ATL2: variants seen among roughly 807,000 people sequenced by gnomAD.
The protein encoded by ATL2 is atlastin GTPase 2.
In ATL2, 31 loss-of-function variants were observed where a neutral mutation model predicts 73.9. The observed-to-expected ratio is 0.42, with a 90% CI of 0.32 to 0.57. The LOEUF (loss-of-function observed/expected upper bound fraction) is 0.57, where lower values mean the gene tolerates loss of function less well. Ranked by LOEUF, ATL2 falls within the 20% of genes least tolerant of loss-of-function variation. The probability of loss-of-function intolerance (pLI) is 0.14; values close to 1 mark genes in which losing one functional copy is unlikely to be tolerated. For missense variants in ATL2, 738 were observed against 702.6 expected (o/e 1.05, Z -0.57); for synonymous variants, 291 against 237.5 (o/e 1.23, Z -2.07).
At position 38,350,638 on chromosome 2, in the gene ATL2, T is replaced by C. The variant is rs145868020; in HGVS notation, c.119-7126A>G. 7.6e-4 allele frequency among the ~76,000 whole-genome samples: 116 copies of C among 152,336 alleles called. 1 individual carries two copies. The highest frequency in any genetic ancestry group is 2.7e-3 in the African/African-American group (112 of 41,584). On this transcript the variant is annotated intron_variant, in intron 1 of 12. Transcript: ENST00000378954. ...ATAATGATGTGTTAGTGAAGGTTCA[T>C]TGATTTTAACAAAAGCACCACTGTG...
chr2:38,335,639 T>C (rs1427881251), intron 2 of ATL2, among the ~76,000 whole-genome samples: 1 of 152,068 alleles, frequency 6.6e-6, no homozygotes, highest in African/African-American at 2.4e-5. Flanking sequence ...ATGCAGGAAA[T>C]GCTGTCTTGT....
At chr2:38,318,330 T>A (rs1037885811) in intron 4 of ATL2, 21 of 376,804 alleles carry the variant, frequency 5.6e-5, no homozygotes, top group Non-Finnish European at 8.5e-5. Context: ...TACAAAAAAA[T>A]TAGCTGGGCA....
At chr2:38,325,267 CA>C (rs1189939955) in intron 2 of ATL2, among the ~76,000 whole-genome samples, 1 of 152,024 alleles carries the variant, frequency 6.6e-6, no homozygotes, top group Admixed American at 6.6e-5. Context: ...TTTCTTAGAT[CA>C]AAGAATTGAG....
intron 1 of ATL2, among the ~76,000 whole-genome samples, chr2:38,346,826 G>C (rs958192542): frequency 2.6e-5 from 4 of 152,106 alleles, no homozygotes; most frequent in Non-Finnish European, 4.4e-5. Flanking sequence ...GGAACCCCAG[G>C]TTTAAACTAG....
intron 7 of ATL2, among the ~76,000 whole-genome samples, chr2:38,311,072 T>C (rs1558395706): frequency 6.6e-6 from 1 of 151,120 alleles, no homozygotes; most frequent in Non-Finnish European, 1.5e-5. Flanking sequence ...GTAAATAAAT[T>C]AAGAATTTAC....
At chr2:38,310,032 A>G (rs1667662129) in intron 8 of ATL2, among the ~76,000 whole-genome samples, 1 of 152,192 alleles carries the variant, frequency 6.6e-6, no homozygotes, top group Non-Finnish European at 1.5e-5. Context: ...GCAGACTGCA[A>G]TCAATTGAAA....
chr2:38,296,110 A>G lies in ATL2; in HGVS notation c.1636T>C (p.Leu546=), dbSNP rs1666880020. Residue 546 remains leucine, a synonymous_variant, in exon 13 of 13, where the codon TTG becomes CTG. Coordinates refer to ENST00000378954, the MANE Select transcript of ATL2 (RefSeq NM_001135673.4). ...QIAETLWEQV[L]KPLGDNLMEE... ...ATCAAATTATCACCCAGGGGCTTCAATACCTGTGGTATGAGAAATGTGCAA... is the reference window on the plus strand; with the variant it reads ...ATCAAATTATCACCCAGGGGCTTCAGTACCTGTGGTATGAGAAATGTGCAA... The G allele has an allele frequency of 6.5e-7, 1 of 1,549,856 alleles. No individual in the cohort carries two copies. The highest frequency in any genetic ancestry group is 8.7e-7 in the Non-Finnish European group (1 of 1,145,938).
At chr2:38,332,922 G>A (rs1208004420) in intron 2 of ATL2, among the ~76,000 whole-genome samples, 1 of 152,174 alleles carries the variant, frequency 6.6e-6, no homozygotes. Context: ...AGGCTCAATG[G>A]CACATGTCTT....
intron 7 of ATL2, among the ~76,000 whole-genome samples, chr2:38,312,042 G>A (rs1667782418): frequency 1.3e-5 from 2 of 152,164 alleles, no homozygotes; most frequent in Non-Finnish European, 2.9e-5. Flanking sequence ...CATACCCCAA[G>A]TCTTTAATGC....
chr2:38,366,638 A>G (rs1232412523), intron 1 of ATL2, among the ~76,000 whole-genome samples: 4 of 152,180 alleles, frequency 2.6e-5, no homozygotes, highest in Admixed American at 6.5e-5. Flanking sequence ...ACTCTAGCAC[A>G]CGGCAATTTC....
intron 9 of ATL2, among the ~76,000 whole-genome samples, chr2:38,306,304 T>G (rs1667443303): frequency 1.3e-5 from 2 of 152,192 alleles, no homozygotes; most frequent in African/African-American, 4.8e-5. Flanking sequence ...TTGCTGAATT[T>G]TATCAAACAT....
At chr2:38,333,987 C>T (rs1486516212) in intron 2 of ATL2, among the ~76,000 whole-genome samples, 1 of 150,324 alleles carries the variant, frequency 6.7e-6, no homozygotes, top group Non-Finnish European at 1.5e-5. Flanking sequence ...CCCCAATATG[C>T]TAAGGGGAAG....
At chr2:38,312,619 G>A (rs1405383916) in intron 7 of ATL2, among the ~76,000 whole-genome samples, 3 of 150,868 alleles carry the variant, frequency 2.0e-5, no homozygotes, top group Non-Finnish European at 2.9e-5. Context: ...TGAGGCAGGA[G>A]AATCGCTTGA....
At chr2:38,375,459 A>G (rs984442058) in intron 1 of ATL2, among the ~76,000 whole-genome samples, 1 of 152,206 alleles carries the variant, frequency 6.6e-6, no homozygotes, top group Non-Finnish European at 1.5e-5. Context: ...GCATTTATTA[A>G]ATAATAAATG....
chr2:38,360,528 T>G (rs1381091824), intron 1 of ATL2, among the ~76,000 whole-genome samples: 1 of 152,134 alleles, frequency 6.6e-6, no homozygotes, highest in Non-Finnish European at 1.5e-5. Context: ...GGGATCCTCC[T>G]GCCTCAGCCT....
intron 10 of ATL2, 93 bp from the exon 11 acceptor site, chr2:38,299,420 C>G (rs1028765735): frequency 3.2e-6 from 4 of 1,264,746 alleles, no homozygotes; most frequent in Admixed American, 6.5e-5. Flanking sequence ...ATAAACAAGT[C>G]TGAAAATGAA....
At chr2:38,315,908 A>G (rs984482745) in intron 4 of ATL2, among the ~76,000 whole-genome samples, 5 of 152,330 alleles carry the variant, frequency 3.3e-5, no homozygotes, top group South Asian at 2.1e-4. Context: ...GGAAGCTAAT[A>G]AAAGTAACAG....
chr2:38,334,492 A>G (rs1278752220), intron 2 of ATL2, among the ~76,000 whole-genome samples: 1 of 151,696 alleles, frequency 6.6e-6, no homozygotes, highest in Non-Finnish European at 1.5e-5. Flanking sequence ...ACCTGAGGCC[A>G]GGAGTTCAAG....
chr2:38,315,334 C>A lies in ATL2; in HGVS notation c.604G>T (p.Val202Leu), dbSNP rs775842670. ...TGAATATTCTGAGACAGATTATATA[C>A]CTGTTGAAACAAAATTTATTTTGTT... ...ALSTMTSSVQVYNLSQNIQED... is the reference protein window; with the variant it reads ...ALSTMTSSVQLYNLSQNIQED... The change falls in exon 5 of 13, where the codon GTA becomes TTA. Residue 202 changes from valine to leucine, a missense_variant and splice_region_variant. Transcript: ENST00000378954. 2.7e-6 allele frequency: 4 copies of A among 1,500,324 alleles called. No homozygotes were observed. The highest frequency in any genetic ancestry group is 2.8e-5 in the Admixed American group (1 of 36,120). The allele number at this position is 1,500,324 out of a possible 1,614,324, so 92.9% of individuals were successfully genotyped here. A position where few individuals can be genotyped will look rare whatever the true frequency, so the allele number is the denominator to read the frequency against.
Sources: allele counts gnomAD v4.1 joint callset (sites outside exome capture counted in the v4.1 genomes callset), GRCh38; gene constraint gnomAD v4.1.1; transcripts MANE v1.5; gene names NCBI Gene and HGNC (gene_info 2026-07-23, HGNC 2026-07-21).